Variants in CDC45 observed in about 807,000 individuals in gnomAD.
CDC45 encodes the protein cell division cycle 45.
Under a neutral mutation model 77.8 loss-of-function variants are expected in CDC45, and 54 were observed. The ratio of observed to expected loss-of-function variants is 0.69; its 90% CI spans 0.56 to 0.87. The LOEUF (loss-of-function observed/expected upper bound fraction) is 0.87. Among genes scored for constraint, CDC45 ranks in the 40% least tolerant of loss-of-function variants. The pLI, the probability that CDC45 is intolerant of heterozygous loss-of-function variation, is 0.00. For missense variants in CDC45, 649 were observed against 721.6 expected, an observed-to-expected ratio of 0.90 and a Z score of 1.15; for synonymous variants, 260 against 272.1, an observed-to-expected ratio of 0.96 and a Z score of 0.44.
At position 19,498,268 on chromosome 22, in the gene CDC45, G is replaced by A. The variant is rs147162146; in HGVS notation, c.653+821G>A. Among the ~76,000 whole-genome samples, 239 of 152,370 alleles carry A rather than the reference G, an allele frequency of 1.6e-3. 1 individual carries two copies. The highest frequency in any genetic ancestry group is 5.6e-3 in the African/African-American group (232 of 41,586). On this transcript the variant is annotated intron_variant, in intron 8 of 18. Transcript: ENST00000263201. The stretch of plus-strand genomic sequence containing the variant: ...TTCCTGAGCCCAGAAGTTCAGGGCT[G>A]CAATGAGCTACAATTGTGCCATCGT...
At chr22:19,495,189 G>A (rs1426182080) in intron 6 of CDC45, among the ~76,000 whole-genome samples, 4 of 152,182 alleles carry the variant, frequency 2.6e-5, no homozygotes, top group Non-Finnish European at 4.4e-5. Flanking sequence ...ATACATACTT[G>A]TGCATATTTT....
At chr22:19,501,358 C>T (rs577484008) in intron 9 of CDC45, among the ~76,000 whole-genome samples, 4 of 152,146 alleles carry the variant, frequency 2.6e-5, no homozygotes, top group African/African-American at 9.7e-5. Context: ...TGCCTGTTGA[C>T]GGAGCAGTGT....
chr22:19,511,307 A>C (rs1168753097), intron 13 of CDC45, among the ~76,000 whole-genome samples: 3 of 147,524 alleles, frequency 2.0e-5, no homozygotes, highest in African/African-American at 7.5e-5. Flanking sequence ...TGTTAGGAGA[A>C]TTGTCTATTC....
intron 9 of CDC45, among the ~76,000 whole-genome samples, chr22:19,502,228 C>G (rs1932925497): frequency 6.6e-6 from 1 of 152,070 alleles, no homozygotes; most frequent in African/African-American, 2.4e-5. Flanking sequence ...GTCCTGACAC[C>G]CTAAATATCC....
At position 19,508,873 on chromosome 22, in the gene CDC45, G is replaced by A. The variant is rs13447264; in HGVS notation, c.1217+182G>A. On this transcript the variant is annotated intron_variant, in intron 13 of 18. Coordinates refer to ENST00000263201, the MANE Select transcript of CDC45 (RefSeq NM_003504.5). ...CTGACACATTACCTGCCCCTCTTCA[G>A]TATTTGTCACTTTCTCTTGAATCTT... 3.7e-3 allele frequency among the ~76,000 whole-genome samples: 570 copies of A among 152,244 alleles called. 4 individuals carry two copies. Among genetic ancestry groups the A allele is most frequent in the African/African-American group, 0.013 (545 of 41,554 alleles).
chr22:19,516,732 T>G (rs1601996978), intron 16 of CDC45, 85 bp from the exon 17 acceptor site: 1 of 1,053,976 alleles, frequency 9.5e-7, no homozygotes, highest in East Asian at 4.8e-5. Flanking sequence ...GAGTGGTATT[T>G]GCCTCTAGTG....
intron 5 of CDC45, among the ~76,000 whole-genome samples, chr22:19,491,551 T>C (rs755616152): frequency 6.6e-6 from 1 of 152,206 alleles, no homozygotes; most frequent in Non-Finnish European, 1.5e-5. Flanking sequence ...CCGTGATTTC[T>C]CATGAGAAAT....
Position 19,486,721 on chromosome 22 carries a change from C to T in CDC45, c.486+2716C>T, listed in dbSNP as rs542543798. Among the ~76,000 whole-genome samples the T allele has an allele frequency of 3.9e-3, 590 of 152,198 alleles. 2 individuals are homozygous for T. Among genetic ancestry groups the T allele is most frequent in the Middle Eastern group, 0.017 (5 of 294 alleles). ...TTTTTGAGACGGAGTCTCGCTCTGTCGCCCAGGCTGGAGTGCAGTGGTACG... is the reference window on the plus strand; with the variant it reads ...TTTTTGAGACGGAGTCTCGCTCTGTTGCCCAGGCTGGAGTGCAGTGGTACG... On this transcript the variant is annotated intron_variant, in intron 5 of 18. Transcript: ENST00000263201.
intron 8 of CDC45, 76 bp downstream of exon 8, chr22:19,497,523 C>CTGTGGGAGG: frequency 2.4e-5 from 30 of 1,239,010 alleles, no homozygotes; most frequent in Non-Finnish European, 3.4e-5. Flanking sequence ...TCTGTCCTCC[C>CTGTGGGAGG]ACAGGGAGGG....
At chr22:19,509,803 C>G (rs529956603) in intron 13 of CDC45, among the ~76,000 whole-genome samples, 18 of 152,228 alleles carry the variant, frequency 1.2e-4, no homozygotes, top group African/African-American at 4.3e-4. Context: ...TGCTTTTGTG[C>G]AGTGGTAAAG....
intron 13 of CDC45, among the ~76,000 whole-genome samples, chr22:19,512,101 A>G (rs760724588): frequency 2.6e-5 from 4 of 151,598 alleles, no homozygotes; most frequent in Non-Finnish European, 4.4e-5. Flanking sequence ...TGGGCCCCTT[A>G]CTCTTTACTA....
intron 4 of CDC45, 134 bp downstream of exon 4, chr22:19,482,961 C>T: frequency 2.2e-5 from 14 of 633,510 alleles, no homozygotes; most frequent in South Asian, 8.8e-5. Context: ...AGAACTTGGT[C>T]TTTGTCATCT....
rs1933265445 is a variant in CDC45, at chr22:19,507,535, C to T, written c.956+18C>T. 1 of 1,613,624 alleles carries T rather than the reference C, an allele frequency of 6.2e-7. No individual in the cohort carries two copies. Among genetic ancestry groups the T allele is most frequent in the East Asian group, 2.2e-5 (1 of 44,862 alleles). On this transcript the variant is annotated intron_variant, in intron 11 of 18. Transcript: ENST00000263201. ...GACATGGGGTGAGTGACTGCCTGGG[C>T]CTCTGCAGTGCCAGCCCTGGCCACC...
chr22:19,496,677 G>C (rs1235198765), intron 7 of CDC45, among the ~76,000 whole-genome samples: 1 of 152,162 alleles, frequency 6.6e-6, no homozygotes, highest in Non-Finnish European at 1.5e-5. Flanking sequence ...TGCTCACTTA[G>C]AGAAGATAAC....
rs1172602096 is a variant in CDC45 at position 19,508,560 on chromosome 22, C to T, written c.1086C>T (p.Ser362=). 1 of 1,614,240 alleles carries T rather than the reference C, an allele frequency of 6.2e-7. No homozygotes were observed. Among genetic ancestry groups the T allele is most frequent in the African/African-American group, 1.3e-5 (1 of 75,070 alleles). ...AGGACATGCGCGTGCAGACTTTCAG[C>T]ATTCATTTTGGGTTCAAGCACAAGT... ...GMKDMRVQTF[S]IHFGFKHKFL... Residue 362 remains serine, a synonymous_variant, in exon 13 of 19, where the codon AGC becomes AGT. Coordinates refer to ENST00000263201, the MANE Select transcript of CDC45 (RefSeq NM_003504.5).
At chr22:19,491,697 T>C (rs953276789) in intron 5 of CDC45, among the ~76,000 whole-genome samples, 7 of 152,114 alleles carry the variant, frequency 4.6e-5, no homozygotes, top group Admixed American at 2.6e-4. Context: ...GATTTGTGTC[T>C]ATCCTATTTG....
At chr22:19,481,307 A>C (rs2089978852) in intron 3 of CDC45, among the ~76,000 whole-genome samples, 1 of 152,238 alleles carries the variant, frequency 6.6e-6, no homozygotes, top group African/African-American at 2.4e-5. Context: ...ATTTGATTGT[A>C]AGGTGCTTGG....
chr22:19,493,046 TG>T (rs1309134339), intron 5 of CDC45, among the ~76,000 whole-genome samples: 3 of 152,124 alleles, frequency 2.0e-5, no homozygotes, highest in Admixed American at 6.5e-5. Context: ...ACAGAGGGCT[TG>T]GGGTGCCTTG....
chr22:19,490,385 A>C (rs1174544027), intron 5 of CDC45, among the ~76,000 whole-genome samples: 4 of 145,574 alleles, frequency 2.7e-5, no homozygotes, highest in Non-Finnish European at 4.6e-5. Flanking sequence ...TTGTATTTTT[A>C]TTTTTTTGAG....
Sources: gnomAD v4.1 joint callset for allele counts (sites outside exome capture counted in the v4.1 genomes callset) on GRCh38, gnomAD v4.1.1 for gene constraint, MANE v1.5 for transcripts, NCBI Gene and HGNC (gene_info 2026-07-23, HGNC 2026-07-21) for gene names.